The following GASK1B variants were observed in gnomAD, a reference collection of about 807,000 sequenced individuals.
GASK1B encodes golgi associated kinase 1B.
Under a neutral mutation model 42.8 loss-of-function variants are expected in GASK1B, and 34 were observed. That is an observed-to-expected ratio of 0.79 (90% confidence interval 0.60 to 1.06). The LOEUF is 1.06. GASK1B is among the 50% of genes least tolerant of loss of function. The probability of loss-of-function intolerance (pLI) is 0.00; values close to 1 mark genes in which losing one functional copy is unlikely to be tolerated. For synonymous variants in GASK1B, 262 were observed against 259.1 expected, an observed-to-expected ratio of 1.01 and a Z score of -0.11; for missense variants, 686 against 661.0, an observed-to-expected ratio of 1.04 and a Z score of -0.42.
At position 158,171,429 on chromosome 4, in the gene GASK1B, G is replaced by A; in HGVS notation, c.-54C>T. The A allele has an allele frequency of 6.7e-7, 1 of 1,498,858 alleles. No homozygotes were observed. The highest frequency in any genetic ancestry group is 8.9e-7 in the Non-Finnish European group (1 of 1,122,072). 92.8% of individuals were successfully genotyped at this position (1,498,858 alleles called of 1,614,324 possible). On this transcript the variant is annotated 5_prime_UTR_variant, in exon 2 of 5. Transcript: ENST00000585682. Reference sequence around the variant, plus strand: ...AGTTTAAAGTCTGCAGTTGGCTCCTGCTAATGTGATGCATGGTTTCCTGAC... The same window carrying A: ...AGTTTAAAGTCTGCAGTTGGCTCCTACTAATGTGATGCATGGTTTCCTGAC...
Position 158,170,530 on chromosome 4 carries a change from T to C in GASK1B, c.846A>G (p.Leu282=). The stretch of plus-strand genomic sequence containing the variant: ...TCCTGTTGAGCCCCAGGATCCTGTC[T>C]AGGTGGAAGGCAAACACCTCACTCA... The part of the protein sequence containing the change: ...LDMSEVFAFH[L]DRILGLNRTL... The change falls in exon 2 of 5, where the codon CTA becomes CTG. Residue 282 remains leucine (L), a synonymous_variant. Transcript: ENST00000585682. 2 of 1,614,246 alleles carry C rather than the reference T, an allele frequency of 1.2e-6. No homozygotes were observed. Among genetic ancestry groups the C allele is most frequent in the Non-Finnish European group, 1.7e-6 (2 of 1,180,040 alleles).
At chr4:158,172,129 T>C (rs1732573924) in intron 1 of GASK1B, 1 of 152,164 alleles carries the variant, frequency 6.6e-6, no homozygotes, top group Non-Finnish European at 1.5e-5. Context: ...TCCATATATC[T>C]TGGAAGCAGT....
intron 1 of GASK1B, among the ~76,000 whole-genome samples, chr4:158,171,863 G>A (rs755154882): frequency 8.5e-5 from 13 of 152,116 alleles, no homozygotes; most frequent in Non-Finnish European, 1.6e-4. Context: ...AAGCAAAAGC[G>A]TTAAAATGTG....
At chr4:158,145,478 A>G (rs1448617897) in intron 3 of GASK1B, among the ~76,000 whole-genome samples, 2 of 152,148 alleles carry the variant, frequency 1.3e-5, no homozygotes, top group Non-Finnish European at 2.9e-5. Context: ...TGTAAGCACC[A>G]TTTCTACCAC....
At chr4:158,135,655 T>C (rs1214552422) in intron 3 of GASK1B, among the ~76,000 whole-genome samples, 8 of 151,544 alleles carry the variant, frequency 5.3e-5, no homozygotes, top group Admixed American at 5.3e-4. Context: ...CTCTTATCCA[T>C]CCTGATTGTA....
intron 3 of GASK1B, among the ~76,000 whole-genome samples, chr4:158,145,578 G>T (rs1274988872): frequency 6.6e-6 from 1 of 151,942 alleles, no homozygotes; most frequent in East Asian, 1.9e-4. Flanking sequence ...CCTAATTTCT[G>T]CAGGTTTTTC....
intron 2 of GASK1B, 140 bp downstream of exon 2, chr4:158,170,326 G>C: frequency 6.2e-7 from 1 of 1,614,224 alleles, no homozygotes; most frequent in Non-Finnish European, 8.5e-7. Context: ...CAAGCGCATG[G>C]AAAGACACGC....
At chr4:158,139,067 T>C (rs1035239138) in intron 3 of GASK1B, among the ~76,000 whole-genome samples, 1 of 152,202 alleles carries the variant, frequency 6.6e-6, no homozygotes, top group African/African-American at 2.4e-5. Context: ...ATAGTATATA[T>C]TTTTCCCATA....
intron 4 of GASK1B, among the ~76,000 whole-genome samples, chr4:158,129,911 C>T (rs766385795): frequency 1.6e-4 from 25 of 152,194 alleles, no homozygotes; most frequent in Admixed American, 3.3e-4. Context: ...ATTTCCACTG[C>T]TGGGGTTGAA....
Position 158,154,360 on chromosome 4 carries a change from C to A in GASK1B, c.1125+1251G>T, listed in dbSNP as rs549960349. 5.9e-5 allele frequency among the ~76,000 whole-genome samples: 9 copies of A among 151,856 alleles called. 1 individual carries two copies. The South Asian group carries it at 1.9e-3, about 32-fold the overall frequency. On this transcript the variant is annotated intron_variant, in intron 3 of 4. Transcript: ENST00000585682. Reference sequence around the variant, plus strand: ...GAAGAATGGCCATAATACAAAATAACAGATGTTGGCGTGGATGTGGTGAAA... The same window carrying A: ...GAAGAATGGCCATAATACAAAATAAAAGATGTTGGCGTGGATGTGGTGAAA...
intron 2 of GASK1B, among the ~76,000 whole-genome samples, chr4:158,166,958 A>G (rs369239438): frequency 6.6e-6 from 1 of 152,186 alleles, no homozygotes; most frequent in Non-Finnish European, 1.5e-5. Context: ...AACTCATCAC[A>G]TGACCTTGAG....
chr4:158,136,458 T>G (rs4691459), intron 3 of GASK1B, among the ~76,000 whole-genome samples: 140,608 of 152,216 alleles, frequency 0.92, 65,283 homozygotes, highest in East Asian at 0.98. Context: ...TGAAGGCAAG[T>G]GGGTAGGGCA....
At chr4:158,164,576 C>G (rs1174072553) in intron 2 of GASK1B, among the ~76,000 whole-genome samples, 2 of 152,180 alleles carry the variant, frequency 1.3e-5, no homozygotes, top group Non-Finnish European at 2.9e-5. Context: ...TAGGGCTTTT[C>G]TGAGGAAGAA....
intron 2 of GASK1B, among the ~76,000 whole-genome samples, chr4:158,164,756 G>A (rs960753366): frequency 1.6e-4 from 25 of 152,164 alleles, no homozygotes; most frequent in African/African-American, 6.0e-4. Flanking sequence ...CCTGCAAAAC[G>A]ACTGTGTCCT....
intron 2 of GASK1B, chr4:158,167,058 AT>A (rs955899973): frequency 2.6e-5 from 4 of 152,188 alleles, no homozygotes; most frequent in African/African-American, 9.7e-5. Context: ...GACAACTTAA[AT>A]ATCTAAATTC....
At chr4:158,169,860 G>A (rs1732390044) in intron 2 of GASK1B, 1 of 188,448 alleles carries the variant, frequency 5.3e-6, no homozygotes. Context: ...TCATAGTCAG[G>A]GGCTTGATAA....
chr4:158,136,192 G>T (rs6820988), intron 3 of GASK1B, among the ~76,000 whole-genome samples: 1 of 151,760 alleles, frequency 6.6e-6, no homozygotes, highest in African/African-American at 2.4e-5. Context: ...AGAGTAAGGG[G>T]AACATTAGGG....
chr4:158,150,393 A>C (rs946380421), intron 3 of GASK1B, among the ~76,000 whole-genome samples: 2 of 152,086 alleles, frequency 1.3e-5, no homozygotes, highest in Non-Finnish European at 2.9e-5. Context: ...CTAAGCTTAG[A>C]GTCTCTCAGC....
chr4:158,171,556 C>T lies in GASK1B; in HGVS notation c.-181G>A. ...CTGGGAATGTTTCTGACACAACAAA[C>T]CTTTTAAATTATCAGTCTCCCCAAG... On this transcript the variant is annotated 5_prime_UTR_variant, in exon 2 of 5. Coordinates refer to ENST00000585682, the MANE Select transcript of GASK1B (RefSeq NM_001128424.2). 3.7e-6 allele frequency: 2 copies of T among 546,068 alleles called. No individual in the cohort carries two copies. Among genetic ancestry groups the T allele is most frequent in the Non-Finnish European group, 6.0e-6 (2 of 333,970 alleles). The allele number at this position is 546,068 out of a possible 1,614,324, so 33.8% of individuals were successfully genotyped here.
Sources: gnomAD v4.1 joint callset for allele counts (sites outside exome capture counted in the v4.1 genomes callset) on GRCh38, gnomAD v4.1.1 for gene constraint, MANE v1.5 for transcripts, NCBI Gene and HGNC (gene_info 2026-07-23, HGNC 2026-07-21) for gene names.